Variants in MPG observed in about 807,000 individuals in gnomAD.
MPG encodes N-methylpurine DNA glycosylase.
Under a neutral mutation model 31.7 loss-of-function variants are expected in MPG, and 33 were observed. The ratio of observed to expected loss-of-function variants is 1.04; its 90% confidence interval spans 0.79 to 1.39. MPG has a LOEUF of 1.39. Ranked by LOEUF, MPG falls within the 40% of genes most tolerant of loss-of-function variation. MPG has a pLI of 0.00. For synonymous variants in MPG, 202 were observed against 169.2 expected (o/e 1.19, Z -1.51); for missense variants, 455 against 415.5 (o/e 1.10, Z -0.83).
chr16:80,593 G>A (rs181552642), intron 2 of MPG, among the ~76,000 whole-genome samples: 3 of 152,220 alleles, frequency 2.0e-5, no homozygotes, highest in East Asian at 1.9e-4. Flanking sequence ...GGTGGATCAC[G>A]AGGTCAGGAG....
chr16:82,115 CGGG>C (rs1442059898), intron 2 of MPG, among the ~76,000 whole-genome samples: 12 of 102,128 alleles, frequency 1.2e-4, no homozygotes, highest in Admixed American at 1.8e-4. Flanking sequence ...ACCCTACCTC[CGGG>C]AAGCCCTCCT....
intron 1 of MPG, chr16:78,989 G>C (rs555566313): frequency 3.8e-4 from 502 of 1,327,974 alleles, no homozygotes; most frequent in Non-Finnish European, 4.6e-4. Flanking sequence ...GCCCTGCTAA[G>C]ATCCTGTGTT....
Position 83,109 on chromosome 16 carries a change from G to T in MPG, c.358G>T (p.Glu120Ter), listed in dbSNP as rs759808039. 1 of 1,612,976 alleles carries T rather than the reference G, an allele frequency of 6.2e-7. No homozygotes were observed. Among genetic ancestry groups the T allele is most frequent in the Non-Finnish European group, 8.5e-7 (1 of 1,179,792 alleles). ...TELRGRIVET[E>*]AYLGPEDEAA... ...ACTCCGAGGCCGCATCGTGGAGACC[G>T]AGGCATACCTGGGGCCAGAGGATGA... Residue 120 changes from glutamate (E) to a stop codon, truncating the protein, a stop_gained, in exon 3 of 4, where the codon GAG (glutamate) becomes TAG (stop). Transcript: ENST00000356432. LOFTEE classifies it high-confidence loss of function.
intron 1 of MPG, chr16:79,201 T>G (rs1898170955): frequency 6.5e-7 from 1 of 1,549,024 alleles, no homozygotes; most frequent in Non-Finnish European, 8.7e-7. Flanking sequence ...GCAGCCACCC[T>G]GCCCCCAGCA....
At chr16:85,174 G>A (rs998760009) in intron 3 of MPG, among the ~76,000 whole-genome samples, 15 of 152,254 alleles carry the variant, frequency 9.9e-5, no homozygotes, top group African/African-American at 3.6e-4. Flanking sequence ...ACCTCATGGT[G>A]CAGGCTTGGA....
intron 2 of MPG, 42 bp from the exon 3 acceptor site, chr16:83,010 C>A (rs756325053): frequency 6.6e-6 from 10 of 1,513,064 alleles, no homozygotes; most frequent in Non-Finnish European, 9.0e-6. Context: ...GTGAGTGGAC[C>A]CCCATCCCTT....
intron 2 of MPG, 122 bp from the exon 3 acceptor site, chr16:82,929 TC>T: frequency 1.3e-6 from 1 of 797,114 alleles, no homozygotes. Flanking sequence ...CGGGGCAAGG[TC>T]CCTGGCTAGA....
Position 79,405 on chromosome 16 carries a change from T to A in MPG, c.25-20T>A, listed in dbSNP as rs781106630. Reference sequence around the variant, plus strand: ...GCTGTCTCCTATTCGGATGCTTATTTATTTTTTTTCCCATTACAGTTTTGC... The same window carrying A: ...GCTGTCTCCTATTCGGATGCTTATTAATTTTTTTTCCCATTACAGTTTTGC... On this transcript the variant is annotated intron_variant, in intron 1 of 3. Coordinates refer to ENST00000356432, the MANE Select transcript of MPG (RefSeq NM_001015052.3). 6.2e-7 allele frequency: 1 copy of A among 1,613,596 alleles called. No homozygotes were observed. Among genetic ancestry groups the A allele is most frequent in the South Asian group, 1.1e-5 (1 of 91,090 alleles).
Position 83,272 on chromosome 16 carries a change from G to A in MPG, c.505+16G>A, listed in dbSNP as rs190831992. On this transcript the variant is annotated intron_variant, in intron 3 of 3. Transcript: ENST00000356432. ...TCCAGCCAGGGTGAGCAGTGCTGGG[G>A]CACGGGGGGTTGGAGGGCCGGCAGA... The A allele has an allele frequency of 1.9e-4, 299 of 1,602,388 alleles. 1 individual carries two copies. The African/African-American group carries it at 2.3e-3, about 12-fold the overall frequency.
chr16:77,652 C>T (rs940058553), upstream of MPG, among the ~76,000 whole-genome samples: 1 of 152,214 alleles, frequency 6.6e-6, no homozygotes, highest in African/African-American at 2.4e-5. Context: ...CCGCGCCGCT[C>T]CCTCCTTCCT....
At position 78,325 on chromosome 16, in the gene MPG, G is replaced by C. The variant is rs1435981003; in HGVS notation, c.16G>C (p.Gly6Arg). The C allele has an allele frequency of 1.5e-6, 2 of 1,306,192 alleles. No individual in the cohort carries two copies. Among genetic ancestry groups the C allele is most frequent in the Admixed American group, 7.3e-5 (2 of 27,416 alleles). The allele number at this position is 1,306,192 out of a possible 1,614,324, so 80.9% of individuals were successfully genotyped here. A position where few individuals can be genotyped will look rare whatever the true frequency, so the allele number is the denominator to read the frequency against. The part of the protein sequence containing the change: MPARS[G>R]AQFCRRMGQK... The stretch of plus-strand genomic sequence containing the variant: ...GAGCCGCCGGATGCCCGCGCGCAGC[G>C]GGGCCCAGGTGAGCGCGCGCCTCGG... The change falls in exon 1 of 4, where the codon GGG becomes CGG. Residue 6 changes from glycine (G) to arginine (R), a missense_variant. Coordinates refer to ENST00000356432, the MANE Select transcript of MPG (RefSeq NM_001015052.3).
chr16:84,093 A>G (rs918437635), intron 3 of MPG, among the ~76,000 whole-genome samples: 3 of 152,112 alleles, frequency 2.0e-5, no homozygotes, highest in East Asian at 1.9e-4. Context: ...GCTTTGACTC[A>G]TTTGCAGGCG....
rs534859796 is a variant in MPG at position 85,465 on chromosome 16, G to A, written c.570G>A (p.Gln190=). Reference sequence around the variant, plus strand: ...TGGAAGGTCTGGAGACCATGCGTCAGCTTCGCAGCACCCTCCGGAAAGGCA... The same window carrying A: ...TGGAAGGTCTGGAGACCATGCGTCAACTTCGCAGCACCCTCCGGAAAGGCA... ...EPLEGLETMR[Q]LRSTLRKGTA... The change falls in exon 4 of 4, where the codon CAG becomes CAA. Residue 190 remains glutamine, a synonymous_variant. Coordinates refer to ENST00000356432, the MANE Select transcript of MPG (RefSeq NM_001015052.3). 6 of 1,613,082 alleles carry A rather than the reference G, an allele frequency of 3.7e-6. No homozygotes were observed. The South Asian group carries it at 5.5e-5, about 15-fold the overall frequency.
chr16:85,673 G>A lies in MPG; in HGVS notation c.778G>A (p.Gly260Ser), dbSNP rs974375687. 1.3e-5 allele frequency: 21 copies of A among 1,575,494 alleles called. No homozygotes were observed. Among genetic ancestry groups the A allele is most frequent in the Non-Finnish European group, 1.6e-5 (19 of 1,156,922 alleles). Residue 260 changes from glycine to serine, a missense_variant, in exon 4 of 4, where the codon GGC becomes AGC. Physicochemically the swap from Gly to Ser is moderately conservative, Grantham distance 56 (BLOSUM62 0). Coordinates refer to ENST00000356432, the MANE Select transcript of MPG (RefSeq NM_001015052.3). ...AVVAAARVGVGHAGEWARKPL... is the reference protein window; with the variant it reads ...AVVAAARVGVSHAGEWARKPL... Reference sequence around the variant, plus strand: ...AGTGGCAGCAGCCCGGGTGGGCGTCGGCCATGCAGGGGAGTGGGCCCGGAA... The same window carrying A: ...AGTGGCAGCAGCCCGGGTGGGCGTCAGCCATGCAGGGGAGTGGGCCCGGAA...
intron 3 of MPG, 100 bp from the exon 4 acceptor site, chr16:85,301 C>T: frequency 7.2e-7 from 1 of 1,386,882 alleles, no homozygotes; most frequent in Non-Finnish European, 9.7e-7. Context: ...GGCAGGAAGG[C>T]AGCTGCACCC....
At chr16:84,378 C>T (rs1769125617) in intron 3 of MPG, 1 of 152,272 alleles carries the variant, frequency 6.6e-6, no homozygotes, top group African/African-American at 2.4e-5. Context: ...AGTGCTCGCC[C>T]CTGGCTGCTG....
At position 78,248 on chromosome 16, in the gene MPG, C is replaced by G. The variant is rs913737138; in HGVS notation, c.-62C>G. 7.4e-7 allele frequency: 1 copy of G among 1,360,080 alleles called. No homozygotes were observed. Among genetic ancestry groups the G allele is most frequent in the Non-Finnish European group, 9.5e-7 (1 of 1,050,404 alleles). The allele number at this position is 1,360,080 out of a possible 1,614,324, so 84.3% of individuals were successfully genotyped here. On this transcript the variant is annotated 5_prime_UTR_variant, in exon 1 of 4. Coordinates refer to ENST00000356432, the MANE Select transcript of MPG (RefSeq NM_001015052.3). ...CCGGTCCTAGGGGTGCTTCCGTGGT[C>G]GGCGGCTGCTGGGCTCCGCGCCGGG... is the stretch of plus-strand genomic sequence containing the variant.
At chr16:84,369 G>A (rs1327808661) in intron 3 of MPG, 1 of 152,264 alleles carries the variant, frequency 6.6e-6, no homozygotes, top group Non-Finnish European at 1.5e-5. Flanking sequence ...TTGTCCACTA[G>A]TGCTCGCCCC....
chr16:80,090 G>A (rs1373803949), intron 2 of MPG, among the ~76,000 whole-genome samples: 1 of 152,244 alleles, frequency 6.6e-6, no homozygotes, highest in African/African-American at 2.4e-5. Flanking sequence ...GTGCAGTGCT[G>A]GCTTCCCAGG....
Sources: allele counts gnomAD v4.1 joint callset (sites outside exome capture counted in the v4.1 genomes callset), GRCh38; gene constraint gnomAD v4.1.1; transcripts MANE v1.5; gene names NCBI Gene and HGNC (gene_info 2026-07-23, HGNC 2026-07-21).